EPB41L5: variants seen among roughly 807,000 people sequenced by gnomAD.
The protein encoded by EPB41L5 is band 4.1-like protein 5.
EPB41L5 carries 55 observed loss-of-function variants against 106.6 expected under a neutral mutation model. The ratio of observed to expected loss-of-function variants is 0.52; its 90% confidence interval spans 0.42 to 0.65. EPB41L5 has a LOEUF of 0.65. EPB41L5 is among the 30% of genes least tolerant of loss of function. The probability of loss-of-function intolerance (pLI) is 0.00; values close to 1 mark genes in which losing one functional copy is unlikely to be tolerated. For missense variants in EPB41L5, 871 were observed against 882.1 expected (o/e 0.99, Z 0.16); for synonymous variants, 297 against 306.7 (o/e 0.97, Z 0.33).
chr2:120,120,913 C>G (rs557479127), intron 16 of EPB41L5, among the ~76,000 whole-genome samples: 36 of 152,276 alleles, frequency 2.4e-4, no homozygotes, highest in Middle Eastern at 3.4e-3. Context: ...GTCAGGAGCT[C>G]GAGACCAGCC....
At chr2:120,081,199 A>G (rs1028611088) in intron 10 of EPB41L5, among the ~76,000 whole-genome samples, 9 of 152,080 alleles carry the variant, frequency 5.9e-5, no homozygotes, top group African/African-American at 2.2e-4. Flanking sequence ...TATGTCCTGA[A>G]TGGTATTGCC....
At chr2:120,018,298 T>C (rs1042380620) in intron 1 of EPB41L5, among the ~76,000 whole-genome samples, 4 of 152,056 alleles carry the variant, frequency 2.6e-5, no homozygotes, top group African/African-American at 7.2e-5. Flanking sequence ...CATCAAAGGA[T>C]ACCTTAGTGT....
At chr2:120,137,402 C>T (rs1346696853) in intron 18 of EPB41L5, among the ~76,000 whole-genome samples, 1 of 151,280 alleles carries the variant, frequency 6.6e-6, no homozygotes, top group Non-Finnish European at 1.5e-5. Context: ...CCAAAAAATA[C>T]AAAAGATCAA....
Position 120,014,486 on chromosome 2 carries a change from A to G in EPB41L5, c.-9+1276A>G, listed in dbSNP as rs56367948. 7.7e-3 allele frequency among the ~76,000 whole-genome samples: 1,172 copies of G among 152,354 alleles called. 13 individuals carry two copies. The highest frequency in any genetic ancestry group is 0.027 in the African/African-American group (1,112 of 41,582). On this transcript the variant is annotated intron_variant, in intron 1 of 24. Coordinates refer to ENST00000263713, the MANE Select transcript of EPB41L5 (RefSeq NM_020909.4). ...TTGTGTGTGAGTGGGGGAAGTAGTCAGTAAAAAAGATAATAATTAACAGAT... is the reference window on the plus strand; with the variant it reads ...TTGTGTGTGAGTGGGGGAAGTAGTCGGTAAAAAAGATAATAATTAACAGAT...
chr2:120,088,544 G>A (rs1389933747), intron 11 of EPB41L5, among the ~76,000 whole-genome samples: 7 of 152,124 alleles, frequency 4.6e-5, no homozygotes, highest in East Asian at 1.9e-4. Flanking sequence ...ACCATGACAC[G>A]TGTTTACCTA....
chr2:120,049,519 G>C (rs1036176792), intron 3 of EPB41L5, among the ~76,000 whole-genome samples: 4 of 151,962 alleles, frequency 2.6e-5, no homozygotes, highest in Non-Finnish European at 5.9e-5. Context: ...TTGCTTGGTA[G>C]ATCTTCCTCC....
chr2:120,154,392 C>T (rs1401913951), intron 20 of EPB41L5, among the ~76,000 whole-genome samples: 118 of 151,294 alleles, frequency 7.8e-4, no homozygotes, highest in Non-Finnish European at 3.1e-4. Flanking sequence ...CTCGAACTCC[C>T]GACCTCAGGT....
chr2:120,163,598 T>TTG (rs957690407), intron 21 of EPB41L5, among the ~76,000 whole-genome samples: 21 of 151,026 alleles, frequency 1.4e-4, no homozygotes, highest in African/African-American at 4.9e-4. Context: ...CTGGTTTTTT[T>TTG]TTTTTTTTTT....
chr2:120,077,325 T>C lies in EPB41L5; in HGVS notation c.714+9T>C. 1 of 1,595,956 alleles carries C rather than the reference T, an allele frequency of 6.3e-7. No homozygotes were observed. The highest frequency in any genetic ancestry group is 8.5e-7 in the Non-Finnish European group (1 of 1,171,304). Reference sequence around the variant, plus strand: ...ATATGCATGTGGTCAAGGTAAGCATTGTGTTGTGATGCTTTTTTAAAAATT... The same window carrying C: ...ATATGCATGTGGTCAAGGTAAGCATCGTGTTGTGATGCTTTTTTAAAAATT... On this transcript the variant is annotated intron_variant, in intron 9 of 24. Transcript: ENST00000263713.
chr2:120,162,581 C>A (rs1470380812), intron 21 of EPB41L5, among the ~76,000 whole-genome samples: 1 of 152,164 alleles, frequency 6.6e-6, no homozygotes, highest in African/African-American at 2.4e-5. Context: ...TGATGAAAAT[C>A]TGAAAAGATA....
intron 13 of EPB41L5, 76 bp from the exon 14 acceptor site, chr2:120,093,173 A>T (rs1683526245): frequency 1.7e-6 from 2 of 1,150,884 alleles, no homozygotes; most frequent in Non-Finnish European, 2.6e-6. Context: ...AATTAGTTAA[A>T]GTTTTGCTTT....
chr2:120,135,895 G>C (rs923864094), intron 18 of EPB41L5, among the ~76,000 whole-genome samples: 3 of 152,094 alleles, frequency 2.0e-5, no homozygotes, highest in Non-Finnish European at 4.4e-5. Flanking sequence ...ATAATCATCT[G>C]ATGGTACACA....
Position 120,164,835 on chromosome 2 carries a change from G to A in EPB41L5, c.1888-1G>A, listed in dbSNP as rs777806523. ...CAATTCTAGATTCCTGTCTTCCATA[G>A]GAAGCTACAGATGAATTGGATGCCT... On this transcript the variant is annotated splice_acceptor_variant, in intron 21 of 24. Coordinates refer to ENST00000263713, the MANE Select transcript of EPB41L5 (RefSeq NM_020909.4). LOFTEE classifies it high-confidence loss of function. 25 of 1,607,066 alleles carry A rather than the reference G, an allele frequency of 1.6e-5. No individual in the cohort carries two copies. The highest frequency in any genetic ancestry group is 2.1e-5 in the Non-Finnish European group (25 of 1,176,824).
At chr2:120,101,870 A>G (rs1440491804) in intron 16 of EPB41L5, among the ~76,000 whole-genome samples, 1 of 151,042 alleles carries the variant, frequency 6.6e-6, no homozygotes, top group Non-Finnish European at 1.5e-5. Flanking sequence ...TCTCCTTTTT[A>G]TTTTCTTTCT....
rs1322533769 is a variant in EPB41L5 at position 120,077,209 on chromosome 2, A to G, written c.627-20A>G. The G allele has an allele frequency of 3.1e-6, 5 of 1,594,612 alleles. No individual in the cohort carries two copies. In the Admixed American group the frequency reaches 7.0e-5, roughly 22 times the overall value. The stretch of plus-strand genomic sequence containing the variant: ...TTTTATATTTATTGTTACTTTAAAA[A>G]TCATTGTTTTAAATTTCAGAGGTCA... On this transcript the variant is annotated intron_variant, in intron 8 of 24. Coordinates refer to ENST00000263713, the MANE Select transcript of EPB41L5 (RefSeq NM_020909.4).
chr2:120,080,279 CCCGGTGTGTGATGTTCCCCTT>C (rs1682555256), intron 10 of EPB41L5, among the ~76,000 whole-genome samples: 1 of 151,928 alleles, frequency 6.6e-6, no homozygotes, highest in Non-Finnish European at 1.5e-5. Context: ...CACGACAGGC[CCCGGTGTGTGATGTTCCCCTT>C]CCTGTGTCCA....
At chr2:120,173,622 G>A (rs1255591104) in intron 24 of EPB41L5, among the ~76,000 whole-genome samples, 2 of 152,156 alleles carry the variant, frequency 1.3e-5, no homozygotes, top group African/African-American at 2.4e-5. Context: ...TATAAATCTT[G>A]TTACCACTTT....
At chr2:120,171,472 TG>T (rs1261561963) in intron 24 of EPB41L5, among the ~76,000 whole-genome samples, 3 of 152,234 alleles carry the variant, frequency 2.0e-5, no homozygotes, top group African/African-American at 7.2e-5. Context: ...AGAGAGGCTC[TG>T]GATCTTGGAA....
At chr2:120,085,106 G>A (rs781273317) in intron 10 of EPB41L5, among the ~76,000 whole-genome samples, 1 of 152,094 alleles carries the variant, frequency 6.6e-6, no homozygotes, top group Non-Finnish European at 1.5e-5. Context: ...TTGATCATCT[G>A]AAGCCTTCTC....
Sources: gnomAD v4.1 joint callset for allele counts (sites outside exome capture counted in the v4.1 genomes callset) on GRCh38, gnomAD v4.1.1 for gene constraint, MANE v1.5 for transcripts, NCBI Gene and HGNC (gene_info 2026-07-23, HGNC 2026-07-21) for gene names.